Variants in PEX5L observed in about 807,000 individuals in gnomAD.
PEX5L encodes PEX5-related protein.
A neutral mutation model predicts 84.0 loss-of-function variants in PEX5L; 30 were observed. The ratio of observed to expected loss-of-function variants is 0.36; its 90% CI spans 0.27 to 0.48. PEX5L has a LOEUF of 0.48. PEX5L is among the 20% of genes least tolerant of loss of function. The pLI is 0.99. For synonymous variants in PEX5L, 270 were observed against 283.1 expected, an observed-to-expected ratio of 0.95 and a Z score of 0.46; for missense variants, 533 against 754.6, an observed-to-expected ratio of 0.71 and a Z score of 3.44.
At chr3:179,969,289 T>C (rs1380475131) in intron 2 of PEX5L, among the ~76,000 whole-genome samples, 2 of 152,096 alleles carry the variant, frequency 1.3e-5, no homozygotes, top group Non-Finnish European at 2.9e-5. Flanking sequence ...TGAAAAGATA[T>C]AGGAAGAATA....
intron 8 of PEX5L, among the ~76,000 whole-genome samples, chr3:179,841,076 G>A (rs1165605255): frequency 2.6e-5 from 4 of 152,116 alleles, no homozygotes; most frequent in Middle Eastern, 3.2e-3. Context: ...AAGGAGACTG[G>A]GAACGCATCG....
chr3:179,849,458 C>T (rs188596827), intron 8 of PEX5L, among the ~76,000 whole-genome samples: 38 of 152,334 alleles, frequency 2.5e-4, no homozygotes, highest in Non-Finnish European at 3.5e-4. Context: ...GAAAAAGCTG[C>T]GGCCCAAATG....
intron 4 of PEX5L, 63 bp downstream of exon 4, chr3:179,887,610 T>C: frequency 2.0e-6 from 2 of 1,018,226 alleles, no homozygotes; most frequent in Non-Finnish European, 3.1e-6. Flanking sequence ...ATGGAAAAAA[T>C]GTGCATTTTA....
intron 8 of PEX5L, among the ~76,000 whole-genome samples, chr3:179,846,758 T>C (rs1739502716): frequency 1.3e-5 from 2 of 152,062 alleles, no homozygotes; most frequent in African/African-American, 4.8e-5. Context: ...ACATTGGTCT[T>C]CTCCTGCCCT....
intron 5 of PEX5L, 67 bp from the exon 6 acceptor site, chr3:179,875,544 G>A (rs937313972): frequency 1.9e-6 from 2 of 1,076,016 alleles, no homozygotes; most frequent in East Asian, 5.2e-5. Context: ...GCGGTGGCGG[G>A]GAGTGGGGTG....
At chr3:179,815,813 T>C (rs1242333952) in intron 10 of PEX5L, 48 bp downstream of exon 10, 46 of 1,603,584 alleles carry the variant, frequency 2.9e-5, no homozygotes, top group Non-Finnish European at 3.9e-5. Flanking sequence ...CTGTCCCTTG[T>C]TAGCACATGC....
At chr3:179,989,102 T>C (rs892382341) in intron 1 of PEX5L, among the ~76,000 whole-genome samples, 8 of 152,176 alleles carry the variant, frequency 5.3e-5, no homozygotes, top group African/African-American at 1.9e-4. Flanking sequence ...CAGAAATCCG[T>C]GGTAGGGATA....
chr3:179,977,186 T>C (rs1350814022), intron 1 of PEX5L, among the ~76,000 whole-genome samples: 1 of 152,190 alleles, frequency 6.6e-6, no homozygotes, highest in Non-Finnish European at 1.5e-5. Flanking sequence ...GTAAACAAAA[T>C]GTGATTCCTT....
At chr3:180,033,910 T>C (rs1176205534) in intron 1 of PEX5L, among the ~76,000 whole-genome samples, 2 of 152,232 alleles carry the variant, frequency 1.3e-5, no homozygotes, top group East Asian at 1.9e-4. Flanking sequence ...CTATCTGTAA[T>C]AGATGCCAAC....
intron 7 of PEX5L, among the ~76,000 whole-genome samples, chr3:179,863,664 C>A (rs574862445): frequency 6.6e-6 from 1 of 151,952 alleles, no homozygotes; most frequent in African/African-American, 2.4e-5. Context: ...TGTCTGTTAT[C>A]GAAAAGATGA....
chr3:179,831,723 A>T (rs969810890), intron 8 of PEX5L, among the ~76,000 whole-genome samples: 1 of 152,214 alleles, frequency 6.6e-6, no homozygotes, highest in Non-Finnish European at 1.5e-5. Context: ...CACCCAACTG[A>T]GACTGTAAGG....
chr3:179,896,494 T>C (rs1302631805), intron 3 of PEX5L, among the ~76,000 whole-genome samples: 1 of 152,168 alleles, frequency 6.6e-6, no homozygotes, highest in Non-Finnish European at 1.5e-5. Flanking sequence ...TCACAATTTC[T>C]TTTCTAAATT....
intron 8 of PEX5L, among the ~76,000 whole-genome samples, chr3:179,849,357 C>T (rs928267999): frequency 6.6e-6 from 1 of 152,116 alleles, no homozygotes; most frequent in Non-Finnish European, 1.5e-5. Flanking sequence ...AAAATAAATG[C>T]ACAATTATTA....
chr3:179,961,201 A>ATGTGTGTGTGTGTG (rs72242969), intron 2 of PEX5L, among the ~76,000 whole-genome samples: 7 of 65,252 alleles, frequency 1.1e-4, no homozygotes, highest in Admixed American at 4.8e-4. Flanking sequence ...GTGTATGTGT[A>ATGTGTGTGTGTGTG]TGTGTGTGTG....
intron 4 of PEX5L, among the ~76,000 whole-genome samples, chr3:179,887,346 T>C (rs1251299954): frequency 6.6e-6 from 1 of 152,248 alleles, no homozygotes; most frequent in Non-Finnish European, 1.5e-5. Flanking sequence ...CAGCCAGAAC[T>C]TGAAAACCTT....
chr3:179,956,377 G>A lies in PEX5L; in HGVS notation c.93+15217C>T, dbSNP rs181071969. On this transcript the variant is annotated intron_variant, in intron 2 of 14. Coordinates refer to ENST00000467460, the MANE Select transcript of PEX5L (RefSeq NM_016559.3). ...ATAATACATTCTAAAACGAATTCACGATTATTTCTTTTCATCACTGCCTTT... is the reference window on the plus strand; with the variant it reads ...ATAATACATTCTAAAACGAATTCACAATTATTTCTTTTCATCACTGCCTTT... 1.3e-3 allele frequency among the ~76,000 whole-genome samples: 194 copies of A among 152,154 alleles called. 1 individual carries two copies. Among genetic ancestry groups the A allele is most frequent in the Middle Eastern group, 0.01 (3 of 292 alleles).
chr3:179,795,804 A>C lies in PEX5L; in HGVS notation c.*6024T>G, dbSNP rs1349625271. The stretch of plus-strand genomic sequence containing the variant: ...GATGCAATATTCATAGATATATAAA[A>C]TATGTAGAAATGTCTTTTCTAAATA... On this transcript the variant is annotated 3_prime_UTR_variant, in exon 15 of 15. Coordinates refer to ENST00000467460, the MANE Select transcript of PEX5L (RefSeq NM_016559.3). 6.6e-6 allele frequency: 1 copy of C among 152,238 alleles called. No homozygotes were observed. The highest frequency in any genetic ancestry group is 1.5e-5 in the Non-Finnish European group (1 of 68,042). 9.4% of individuals were successfully genotyped at this position (152,238 alleles called of 1,614,324 possible). A position where few individuals can be genotyped will look rare whatever the true frequency, so the allele number is the denominator to read the frequency against.
chr3:179,972,099 T>C (rs1784909729), intron 1 of PEX5L, among the ~76,000 whole-genome samples: 1 of 152,172 alleles, frequency 6.6e-6, no homozygotes, highest in African/African-American at 2.4e-5. Context: ...TTAAGAATAA[T>C]AGAAGTATTA....
Position 179,897,000 on chromosome 3 carries a change from T to C in PEX5L, c.198+1142A>G, listed in dbSNP as rs143168388. Among the ~76,000 whole-genome samples, 1,191 of 152,248 alleles carry C rather than the reference T, an allele frequency of 7.8e-3. 18 individuals are homozygous for C. The highest frequency in any genetic ancestry group is 0.027 in the African/African-American group (1,129 of 41,552). On this transcript the variant is annotated intron_variant, in intron 3 of 14. Transcript: ENST00000467460. ...AAAAAAGCTGAAAACATAAAATGTATCCCAAAGTCTTGGGAATCTTTAATA... is the reference window on the plus strand; with the variant it reads ...AAAAAAGCTGAAAACATAAAATGTACCCCAAAGTCTTGGGAATCTTTAATA...
Sources: allele counts gnomAD v4.1 joint callset (sites outside exome capture counted in the v4.1 genomes callset), GRCh38; gene constraint gnomAD v4.1.1; transcripts MANE v1.5; gene names NCBI Gene and HGNC (gene_info 2026-07-23, HGNC 2026-07-21).